Variants in SEL1L2 observed in about 807,000 individuals in gnomAD.
The protein encoded by SEL1L2 is protein sel-1 homolog 2.
In SEL1L2, 89 loss-of-function variants were observed where a neutral mutation model predicts 98.8. That is an observed-to-expected ratio of 0.90 (90% confidence interval 0.76 to 1.07). The LOEUF is 1.07. Ranked by LOEUF, SEL1L2 falls within the 50% of genes least tolerant of loss-of-function variation. The probability of loss-of-function intolerance (pLI) is 0.00; values close to 1 mark genes in which losing one functional copy is unlikely to be tolerated. For synonymous variants in SEL1L2, 262 were observed against 278.5 expected, an observed-to-expected ratio of 0.94 and a Z score of 0.59; for missense variants, 788 against 812.0, an observed-to-expected ratio of 0.97 and a Z score of 0.36.
chr20:13,970,139 C>A (rs1339517269), intron 1 of SEL1L2, among the ~76,000 whole-genome samples: 1 of 151,414 alleles, frequency 6.6e-6, no homozygotes, highest in Non-Finnish European at 1.5e-5. Flanking sequence ...GCTGCTGGAT[C>A]TAAAATTTAA....
At chr20:13,880,768 T>G (rs2046659902) in intron 10 of SEL1L2, among the ~76,000 whole-genome samples, 1 of 152,170 alleles carries the variant, frequency 6.6e-6, no homozygotes, top group Non-Finnish European at 1.5e-5. Flanking sequence ...GTTTTCTTTT[T>G]TTCTTCCTCA....
chr20:13,948,984 CT>C (rs2050140169), intron 2 of SEL1L2, among the ~76,000 whole-genome samples: 3 of 152,148 alleles, frequency 2.0e-5, no homozygotes, highest in Admixed American at 1.3e-4. Context: ...ATCTATGGAA[CT>C]ATTGGGTCAG....
At chr20:13,975,728 C>A (rs1231231102) in intron 1 of SEL1L2, among the ~76,000 whole-genome samples, 1 of 152,176 alleles carries the variant, frequency 6.6e-6, no homozygotes, top group African/African-American at 2.4e-5. Context: ...ACAACACAAT[C>A]TCTGTAATCA....
chr20:13,895,286 T>C (rs534438330), intron 5 of SEL1L2, among the ~76,000 whole-genome samples: 15 of 151,666 alleles, frequency 9.9e-5, no homozygotes, highest in Admixed American at 2.0e-4. Context: ...CTATAAAAAA[T>C]ATGAAAATTA....
chr20:13,944,026 G>A lies in SEL1L2; in HGVS notation c.114+12050C>T, dbSNP rs149699196. 5.6e-4 allele frequency among the ~76,000 whole-genome samples: 85 copies of A among 152,172 alleles called. 1 individual carries two copies. The East Asian group carries it at 0.016, about 28-fold the overall frequency. On this transcript the variant is annotated intron_variant, in intron 2 of 19. Transcript: ENST00000284951. ...GGACTCCATCCAGAAATGGCAGCTC[G>A]GTTTTCAGGCTTTAAACTCTCTTTG...
At chr20:13,952,928 C>T (rs1861546419) in intron 2 of SEL1L2, among the ~76,000 whole-genome samples, 1 of 152,172 alleles carries the variant, frequency 6.6e-6, no homozygotes, top group Non-Finnish European at 1.5e-5. Context: ...ACTCTGGAAG[C>T]TGAGGCGGGA....
intron 2 of SEL1L2, among the ~76,000 whole-genome samples, chr20:13,934,715 G>A (rs1394766848): frequency 2.0e-5 from 3 of 151,270 alleles, no homozygotes; most frequent in Non-Finnish European, 2.9e-5. Flanking sequence ...GGTTGTTTTA[G>A]TTTACATTCA....
chr20:13,882,812 CTTTTTTT>C lies in SEL1L2; in HGVS notation c.957+2528_957+2534del, dbSNP rs759286946. Among the ~76,000 whole-genome samples, 7 of 107,240 alleles carry C rather than the reference CTTTTTTT, an allele frequency of 6.5e-5. No individual in the cohort carries two copies. The Admixed American group carries it at 6.6e-4, about 10-fold the overall frequency. The allele number at this position is 107,240 out of a possible 152,430, so 70.4% of individuals were successfully genotyped here. ...ATAACTGATAGATAAGTCAATTTGTCTTTTTTTTTTTTTTTTTTTTTTGAGACGGAGT... is the reference window on the plus strand; with the variant it reads ...ATAACTGATAGATAAGTCAATTTGTCTTTTTTTTTTTTTTTGAGACGGAGT... On this transcript the variant is annotated intron_variant, in intron 10 of 19. Coordinates refer to ENST00000284951, the MANE Select transcript of SEL1L2 (RefSeq NM_025229.2).
chr20:13,879,359 A>G (rs1314785856), intron 10 of SEL1L2, among the ~76,000 whole-genome samples: 1 of 152,114 alleles, frequency 6.6e-6, no homozygotes, highest in African/African-American at 2.4e-5. Context: ...TTAATTAAAA[A>G]AAATTTTTTT....
rs34014442 is a variant in SEL1L2, at chr20:13,931,456, A to G, written c.283+147T>C. ...AAATAAAATAAATTAAAATAAAACA[A>G]AGGTAGAAGACTGCAGAATTTAATG... On this transcript the variant is annotated intron_variant, in intron 3 of 19. Transcript: ENST00000284951. 1,984 of 424,810 alleles carry G rather than the reference A, an allele frequency of 4.7e-3. 12 individuals carry two copies. The highest frequency in any genetic ancestry group is 6.1e-3 in the Non-Finnish European group (1,633 of 266,268). The allele number at this position is 424,810 out of a possible 1,614,324, so 26.3% of individuals were successfully genotyped here.
chr20:13,922,108 T>C (rs2048690433), intron 3 of SEL1L2, among the ~76,000 whole-genome samples: 1 of 152,210 alleles, frequency 6.6e-6, no homozygotes, highest in Non-Finnish European at 1.5e-5. Context: ...AATTAAAGGT[T>C]TTTGAAAATG....
At chr20:13,849,653 C>T (rs1371415620) in intron 19 of SEL1L2, 49 bp from the exon 20 acceptor site, 1 of 1,596,626 alleles carries the variant, frequency 6.3e-7, no homozygotes, top group Admixed American at 1.7e-5. Flanking sequence ...TTCCCACCTC[C>T]ACTCAGAGCC....
intron 5 of SEL1L2, among the ~76,000 whole-genome samples, chr20:13,904,740 T>C (rs1202330423): frequency 6.6e-6 from 1 of 152,164 alleles, no homozygotes; most frequent in Non-Finnish European, 1.5e-5. Context: ...TCTGCCAATA[T>C]TAGATTTTTA....
At chr20:13,955,012 G>A (rs1257242103) in intron 2 of SEL1L2, among the ~76,000 whole-genome samples, 1 of 152,064 alleles carries the variant, frequency 6.6e-6, no homozygotes, top group Non-Finnish European at 1.5e-5. Flanking sequence ...TTTTTAATTT[G>A]TATTAATATT....
intron 10 of SEL1L2, among the ~76,000 whole-genome samples, chr20:13,881,060 C>T (rs1186684778): frequency 1.3e-5 from 2 of 152,184 alleles, no homozygotes; most frequent in African/African-American, 4.8e-5. Flanking sequence ...TGTCGCCAGG[C>T]TGGAGGGCAG....
intron 12 of SEL1L2, among the ~76,000 whole-genome samples, chr20:13,873,581 C>T (rs6033845): frequency 0.094 from 14,173 of 151,408 alleles, 769 homozygotes; most frequent in African/African-American, 0.15. Flanking sequence ...AGGATGGTCT[C>T]GATCTCTTGA....
intron 17 of SEL1L2, among the ~76,000 whole-genome samples, chr20:13,860,111 C>T (rs902463838): frequency 1.3e-5 from 2 of 152,200 alleles, no homozygotes; most frequent in African/African-American, 4.8e-5. Flanking sequence ...GACGTCACTC[C>T]TGAAGCTCTG....
At chr20:13,895,632 C>G (rs1462885798) in intron 5 of SEL1L2, among the ~76,000 whole-genome samples, 1 of 152,164 alleles carries the variant, frequency 6.6e-6, no homozygotes, top group African/African-American at 2.4e-5. Flanking sequence ...TAAAAGCTTA[C>G]AGCTTACATC....
chr20:13,945,277 G>A (rs911653782), intron 2 of SEL1L2, among the ~76,000 whole-genome samples: 2 of 152,026 alleles, frequency 1.3e-5, no homozygotes, highest in Non-Finnish European at 2.9e-5. Context: ...CCTTATGTTA[G>A]GTTAATTCTA....
Sources: allele counts gnomAD v4.1 joint callset (sites outside exome capture counted in the v4.1 genomes callset), GRCh38; gene constraint gnomAD v4.1.1; transcripts MANE v1.5; gene names NCBI Gene and HGNC (gene_info 2026-07-23, HGNC 2026-07-21).